DPYD: variants seen among roughly 807,000 people sequenced by gnomAD.
DPYD encodes dihydropyrimidine dehydrogenase, also known as dihydropyrimidine dehydrogenase [NADP(+)].
A neutral mutation model predicts 116.2 loss-of-function variants in DPYD; 109 were observed. The ratio of observed to expected loss-of-function variants is 0.94; its 90% CI spans 0.80 to 1.10. DPYD has a LOEUF of 1.10. Among genes scored for constraint, DPYD ranks in the 50% least tolerant of loss-of-function variants. The pLI is 0.00. For synonymous variants in DPYD, 440 were observed against 432.0 expected, an observed-to-expected ratio of 1.02 and a Z score of -0.23; for missense variants, 1,302 against 1,254.5, an observed-to-expected ratio of 1.04 and a Z score of -0.57.
chr1:97,240,082 C>T (rs934698077), intron 18 of DPYD, among the ~76,000 whole-genome samples: 1 of 152,074 alleles, frequency 6.6e-6, no homozygotes. Flanking sequence ...CCTATGATGA[C>T]AGAACTTTAT....
intron 18 of DPYD, among the ~76,000 whole-genome samples, chr1:97,256,181 G>A (rs941304445): frequency 3.3e-5 from 5 of 152,026 alleles, no homozygotes; most frequent in South Asian, 2.1e-4. Flanking sequence ...TTTATTGCCC[G>A]CTAATAAAAG....
At position 97,307,015 on chromosome 1, in the gene DPYD, C is replaced by T. The variant is rs116840377; in HGVS notation, c.2059-718G>A. ...GCAAGAAATAGACATTTCCATGTGC[C>T]TATTTTCTGTGATTTTCCAGGCTCT... On this transcript the variant is annotated intron_variant, in intron 16 of 22. Coordinates refer to ENST00000370192, the MANE Select transcript of DPYD (RefSeq NM_000110.4). Among the ~76,000 whole-genome samples, 514 of 151,852 alleles carry T rather than the reference C, an allele frequency of 3.4e-3. 2 individuals carry two copies. The highest frequency in any genetic ancestry group is 6.8e-3 in the Middle Eastern group (2 of 294).
chr1:97,731,973 T>C (rs1557916476), intron 4 of DPYD, among the ~76,000 whole-genome samples: 1 of 152,094 alleles, frequency 6.6e-6, no homozygotes, highest in African/African-American at 2.4e-5. Flanking sequence ...CCACAAACAA[T>C]ATGATGTTAC....
At chr1:97,695,845 G>A (rs538979141) in intron 6 of DPYD, among the ~76,000 whole-genome samples, 2 of 152,142 alleles carry the variant, frequency 1.3e-5, no homozygotes, top group Admixed American at 6.5e-5. Flanking sequence ...GAAAGTGAGA[G>A]GTGGCCGGGC....
At position 97,719,745 on chromosome 1, in the gene DPYD, CA is replaced by C. The variant is rs1235163233; in HGVS notation, c.483+1764del. ...TAATCGGCCAACCCAAAAAAAAGGACAAAAAGCTTTTCTCAGTAGTTCCCAC... is the reference window on the plus strand; with the variant it reads ...TAATCGGCCAACCCAAAAAAAAGGACAAAAGCTTTTCTCAGTAGTTCCCAC... On this transcript the variant is annotated intron_variant, in intron 5 of 22. Coordinates refer to ENST00000370192, the MANE Select transcript of DPYD (RefSeq NM_000110.4). 6.1e-6 allele frequency: 6 copies of C among 984,812 alleles called. No homozygotes were observed. In the African/African-American group the frequency reaches 1.1e-4, roughly 17 times the overall value. 61.0% of individuals were successfully genotyped at this position (984,812 alleles called of 1,614,324 possible). A position where few individuals can be genotyped will look rare whatever the true frequency, so the allele number is the denominator to read the frequency against.
intron 11 of DPYD, among the ~76,000 whole-genome samples, chr1:97,555,088 C>T (rs1005479907): frequency 5.9e-5 from 9 of 152,114 alleles, no homozygotes; most frequent in Non-Finnish European, 1.2e-4. Context: ...CCACGGTCAC[C>T]AAATTCTGTG....
At chr1:97,588,319 T>G (rs935887428) in intron 10 of DPYD, among the ~76,000 whole-genome samples, 1 of 152,086 alleles carries the variant, frequency 6.6e-6, no homozygotes, top group African/African-American at 2.4e-5. Flanking sequence ...ATTGGAAAAT[T>G]GAATATGTAA....
chr1:97,536,963 G>A lies in DPYD; in HGVS notation c.1524+12597C>T, dbSNP rs186534534. 3.9e-3 allele frequency among the ~76,000 whole-genome samples: 588 copies of A among 152,216 alleles called. 1 individual carries two copies. Among genetic ancestry groups the A allele is most frequent in the Admixed American group, 6.2e-3 (95 of 15,282 alleles). On this transcript the variant is annotated intron_variant, in intron 12 of 22. Transcript: ENST00000370192. ...TGTGCAATTTAAATTTCTAATTCTC[G>A]AATCATAGTTCTTCAGATATTGTAG...
intron 1 of DPYD, among the ~76,000 whole-genome samples, chr1:97,895,055 G>A (rs1322347668): frequency 6.6e-6 from 1 of 151,694 alleles, no homozygotes; most frequent in Non-Finnish European, 1.5e-5. Flanking sequence ...CCAGTTCATT[G>A]GGTAAGAAAA....
At chr1:97,214,831 A>G (rs1660268089) in intron 19 of DPYD, among the ~76,000 whole-genome samples, 1 of 152,144 alleles carries the variant, frequency 6.6e-6, no homozygotes, top group South Asian at 2.1e-4. Context: ...ATTACCTTGT[A>G]TTCAAGTCTC....
chr1:97,912,559 G>C (rs1235819014), intron 1 of DPYD, among the ~76,000 whole-genome samples: 1 of 152,108 alleles, frequency 6.6e-6, no homozygotes, highest in Non-Finnish European at 1.5e-5. Flanking sequence ...TGGATGACTT[G>C]AGTGGGATGA....
At chr1:97,649,978 G>A (rs111505702) in intron 8 of DPYD, among the ~76,000 whole-genome samples, 1,704 of 152,014 alleles carry the variant, frequency 0.011, 12 homozygotes, top group Non-Finnish European at 0.018. Flanking sequence ...CACCGAGGCC[G>A]ACAGAGTAAT....
chr1:97,127,588 TTCA>T (rs1364537412), intron 20 of DPYD, among the ~76,000 whole-genome samples: 1 of 152,156 alleles, frequency 6.6e-6, no homozygotes, highest in African/African-American at 2.4e-5. Flanking sequence ...TAGAAAGGTA[TTCA>T]TCAACTCATT....
At chr1:97,208,646 C>G (rs1659829097) in intron 19 of DPYD, among the ~76,000 whole-genome samples, 1 of 152,012 alleles carries the variant, frequency 6.6e-6, no homozygotes. Flanking sequence ...CAAAAACTAC[C>G]TACTAATTAA....
chr1:97,305,526 A>G, intron 17 of DPYD, 148 bp from the exon 18 acceptor site: 1 of 1,057,538 alleles, frequency 9.5e-7, no homozygotes, highest in Non-Finnish European at 1.4e-6. Flanking sequence ...TTTAACTCCT[A>G]CATTTATGTT....
intron 13 of DPYD, among the ~76,000 whole-genome samples, chr1:97,453,423 T>G (rs1676523143): frequency 6.6e-6 from 1 of 152,182 alleles, no homozygotes; most frequent in Admixed American, 6.5e-5. Flanking sequence ...ATCTTAACAG[T>G]ATACATAGGA....
At chr1:97,324,687 A>G (rs1668622719) in intron 16 of DPYD, among the ~76,000 whole-genome samples, 1 of 152,092 alleles carries the variant, frequency 6.6e-6, no homozygotes, top group Non-Finnish European at 1.5e-5. Flanking sequence ...GAATTACAAT[A>G]CATCTCTATT....
At chr1:97,235,069 T>C in intron 18 of DPYD, 75 bp from the exon 19 acceptor site, 1 of 1,566,170 alleles carries the variant, frequency 6.4e-7, no homozygotes, top group Non-Finnish European at 8.8e-7. Flanking sequence ...CTTCTATTAC[T>C]ATGATGTGAT....
chr1:97,456,297 G>A (rs893557434), intron 13 of DPYD, among the ~76,000 whole-genome samples: 7 of 151,986 alleles, frequency 4.6e-5, no homozygotes, highest in African/African-American at 1.4e-4. Flanking sequence ...AAAATGGGGT[G>A]TTGTCTATTT....
Sources: gnomAD v4.1 joint callset for allele counts (sites outside exome capture counted in the v4.1 genomes callset) on GRCh38, gnomAD v4.1.1 for gene constraint, MANE v1.5 for transcripts, NCBI Gene and HGNC (gene_info 2026-07-23, HGNC 2026-07-21) for gene names.